DMBT1: variants seen among roughly 807,000 people sequenced by gnomAD.
The protein encoded by DMBT1 is deleted in malignant brain tumors 1, also known as scavenger receptor cysteine-rich domain-containing protein DMBT1.
Under a neutral mutation model 252.9 loss-of-function variants are expected in DMBT1, and 198 were observed. That is an observed-to-expected ratio of 0.78 (90% CI 0.70 to 0.88). The LOEUF is 0.88. DMBT1 is among the 40% of genes least tolerant of loss of function. DMBT1 has a pLI of 0.00. For missense variants in DMBT1, 2,432 were observed against 2,404.7 expected (o/e 1.01, Z -0.24); for synonymous variants, 990 against 942.7 (o/e 1.05, Z -0.92).
In DMBT1 at chr10:122,586,069, C is replaced by T. The variant is rs2097786786; in HGVS notation, c.1469C>T (p.Ser490Phe). 6.3e-7 allele frequency: 1 copy of T among 1,588,552 alleles called. No individual in the cohort carries two copies. Among genetic ancestry groups the T allele is most frequent in the African/African-American group, 1.3e-5 (1 of 74,556 alleles). Reference protein sequence around the residue: ...TLPASTVGSESSLALRLVNGG... With the variant: ...TLPASTVGSEFSLALRLVNGG... Reference sequence around the variant, plus strand: ...TTGTTTTCCCCTGTAGGATCTGAATCCAGTTTGGCCCTGAGGCTGGTGAAT... The same window carrying T: ...TTGTTTTCCCCTGTAGGATCTGAATTCAGTTTGGCCCTGAGGCTGGTGAAT... Residue 490 changes from serine to phenylalanine, a missense_variant, in exon 16 of 56, where the codon TCC becomes TTC. Transcript: ENST00000338354.
At chr10:122,598,723 T>C (rs1591396035) in intron 25 of DMBT1, 51 bp from the exon 26 acceptor site, 13 of 1,611,768 alleles carry the variant, frequency 8.1e-6, no homozygotes, top group Non-Finnish European at 8.5e-6. Context: ...ATTCCTTAGA[T>C]TCCTGACCTC....
chr10:122,618,253 C>G lies in DMBT1; in HGVS notation c.5128C>G (p.His1710Asp). The stretch of plus-strand genomic sequence containing the variant: ...CCTGGATGATGTGCGCTGCTCAGGA[C>G]ACGAGTCTTACCTGTGGAGCTGCCC... ...IVLDDVRCSG[H>D]ESYLWSCPHN... Residue 1710 changes from histidine to aspartate, a missense_variant, in exon 41 of 56, where the codon CAC (histidine) becomes GAC (aspartate). His to Asp is a moderately conservative substitution (Grantham distance 81). This residue lies in a region of DMBT1 where 1,162 missense variants were observed against 1,169.0 expected (regional missense o/e 0.99). Transcript: ENST00000338354. 1 of 1,613,786 alleles carries G rather than the reference C, an allele frequency of 6.2e-7. No individual in the cohort carries two copies. The highest frequency in any genetic ancestry group is 1.7e-4 in the Middle Eastern group (1 of 6,056).
At chr10:122,580,165 CT>C (rs202162594) in intron 10 of DMBT1, among the ~76,000 whole-genome samples, 3,510 of 152,304 alleles carry the variant, frequency 0.023, 53 homozygotes, top group South Asian at 0.036. Context: ...AAAGTGCCGG[CT>C]CCCCAGGGCT....
At chr10:122,597,742 G>A (rs564903254) in intron 24 of DMBT1, among the ~76,000 whole-genome samples, 1 of 152,316 alleles carries the variant, frequency 6.6e-6, no homozygotes, top group Non-Finnish European at 1.5e-5. Context: ...TTGTGACTGA[G>A]AAGAGGACAT....
At chr10:122,579,934 G>A in intron 10 of DMBT1, 33 bp downstream of exon 10, 1 of 1,613,512 alleles carries the variant, frequency 6.2e-7, no homozygotes. Flanking sequence ...TCACTCTCTT[G>A]GGGTGGAGTT....
At chr10:122,574,807 T>C (rs931087906) in intron 6 of DMBT1, among the ~76,000 whole-genome samples, 34 of 152,110 alleles carry the variant, frequency 2.2e-4, no homozygotes, top group African/African-American at 8.2e-4. Flanking sequence ...GGGGCAGAGG[T>C]ATTTGGCTGA....
chr10:122,622,355 TGG>T (rs2098078625), intron 44 of DMBT1, among the ~76,000 whole-genome samples: 4 of 152,204 alleles, frequency 2.6e-5, no homozygotes, highest in Admixed American at 6.5e-5. Context: ...TGTTTGCACA[TGG>T]CAGGAACTCA....
At position 122,591,603 on chromosome 10, in the gene DMBT1, G is replaced by C; in HGVS notation, c.2176+86G>C. The C allele has an allele frequency of 2.9e-6, 4 of 1,401,880 alleles. 1 individual carries two copies. The highest frequency in any genetic ancestry group is 4.0e-6 in the Non-Finnish European group (4 of 1,010,396). 86.8% of individuals were successfully genotyped at this position (1,401,880 alleles called of 1,614,324 possible). On this transcript the variant is annotated intron_variant, in intron 19 of 55. Coordinates refer to ENST00000338354, the MANE Select transcript of DMBT1 (RefSeq NM_001377530.1). ...CTGAAAATGATAGGATGAGGGTCAAGGTGGGCCCCTGTCTTTTTCACATCC... is the reference window on the plus strand; with the variant it reads ...CTGAAAATGATAGGATGAGGGTCAACGTGGGCCCCTGTCTTTTTCACATCC...
At position 122,589,017 on chromosome 10, in the gene DMBT1, C is replaced by T. The variant is rs2097822001; in HGVS notation, c.1857C>T (p.Tyr619=). 6.3e-7 allele frequency: 1 copy of T among 1,588,678 alleles called. No homozygotes were observed. The highest frequency in any genetic ancestry group is 8.6e-7 in the Non-Finnish European group (1 of 1,165,880). ...DRCQGRVEVL[Y]RGSWGTVCDD... Reference sequence around the variant, plus strand: ...GTCAGGGCCGAGTGGAGGTCCTATACCGAGGCTCTTGGGGCACCGTGTGTG... The same window carrying T: ...GTCAGGGCCGAGTGGAGGTCCTATATCGAGGCTCTTGGGGCACCGTGTGTG... The change falls in exon 17 of 56, where the codon TAC becomes TAT. Residue 619 remains tyrosine, a synonymous_variant. Transcript: ENST00000338354.
chr10:122,642,166 A>G, intron 55 of DMBT1, among the ~76,000 whole-genome samples: 1 of 136,932 alleles, frequency 7.3e-6, no homozygotes, highest in Non-Finnish European at 1.5e-5. Context: ...CCACTAAGGG[A>G]GCTACTGTGA....
intron 8 of DMBT1, 59 bp from the exon 9 acceptor site, chr10:122,578,659 T>A (rs1348043423): frequency 1.3e-6 from 2 of 1,483,258 alleles, no homozygotes; most frequent in Non-Finnish European, 1.9e-6. Flanking sequence ...GAACCGCTTG[T>A]TTTTTACCTT....
Position 122,584,951 on chromosome 10 carries a change from C to T in DMBT1, c.1421-320C>T, listed in dbSNP as rs1370718397. On this transcript the variant is annotated intron_variant, in intron 14 of 55. Transcript: ENST00000338354. ...CCTTGGTTTCCCTAACGTTTTAGCT[C>T]GAGCTAGTAGAGTGTCAGCAATGGT... Among the ~76,000 whole-genome samples the T allele has an allele frequency of 4.7e-5, 7 of 149,058 alleles. 1 individual carries two copies. The highest frequency in any genetic ancestry group is 7.3e-5 in the African/African-American group (3 of 41,174).
In DMBT1 at chr10:122,643,316, G is replaced by A. The variant is rs557026873; in HGVS notation, c.7547G>A (p.Gly2516Asp). 1.3e-4 allele frequency: 203 copies of A among 1,613,910 alleles called. 1 individual carries two copies. In the East Asian group the frequency reaches 4.4e-3, roughly 35 times the overall value. Reference sequence around the variant, plus strand: ...GTGTTGAGGTCGAAGAGGGATGTGGGCTCCTACCAGGAAAAGGTGGACGTC... The same window carrying A: ...GTGTTGAGGTCGAAGAGGGATGTGGACTCCTACCAGGAAAAGGTGGACGTC... ...GCVLRSKRDV[G>D]SYQEKVDVVL... The change falls in exon 56 of 56, where the codon GGC becomes GAC. Residue 2516 changes from glycine (G) to aspartate (D), a missense_variant. Gly to Asp is a moderately conservative substitution (Grantham distance 94). This residue lies in a region of DMBT1 where 1,162 missense variants were observed against 1,169.0 expected (regional missense o/e 0.99). Transcript: ENST00000338354.
intron 2 of DMBT1, among the ~76,000 whole-genome samples, chr10:122,569,739 G>A (rs2097643671): frequency 6.6e-6 from 1 of 152,288 alleles, no homozygotes; most frequent in East Asian, 1.9e-4. Context: ...TTCTGAAAAG[G>A]TTGGTATTCT....
rs1193488058 is a variant in DMBT1, at chr10:122,617,886, G to C, written c.4892-131G>C. On this transcript the variant is annotated intron_variant, in intron 40 of 55. Transcript: ENST00000338354. ...CTATGATAAAGCTGAACCTCCGGTA[G>C]CAGTTGTATGCAATTGTGACTGCTT... 2.0e-6 allele frequency: 3 copies of C among 1,464,254 alleles called. No homozygotes were observed. In the African/African-American group the frequency reaches 4.3e-5, roughly 21 times the overall value. The allele number at this position is 1,464,254 out of a possible 1,614,324, so 90.7% of individuals were successfully genotyped here. A position where few individuals can be genotyped will look rare whatever the true frequency, so the allele number is the denominator to read the frequency against.
Position 122,625,241 on chromosome 10 carries a change from C to G in DMBT1, c.5609-36C>G, listed in dbSNP as rs531696209. On this transcript the variant is annotated intron_variant, in intron 44 of 55. Transcript: ENST00000338354. ...TTTCTCTCGCTCATCATCCTGGGCA[C>G]TGGGACTGACTCATGTTTTCTTCTT... is the stretch of plus-strand genomic sequence containing the variant. 1.6e-5 allele frequency: 25 copies of G among 1,605,004 alleles called. 1 individual carries two copies. The South Asian group carries it at 2.4e-4, about 15-fold the overall frequency.
chr10:122,635,879 A>G, intron 52 of DMBT1, 112 bp from the exon 53 acceptor site: 1 of 1,166,058 alleles, frequency 8.6e-7, no homozygotes, highest in South Asian at 1.4e-5. Context: ...ACTTTCATCG[A>G]TGAACTTTGT....
At chr10:122,565,705 C>T (rs1324031580) in intron 1 of DMBT1, among the ~76,000 whole-genome samples, 1 of 152,194 alleles carries the variant, frequency 6.6e-6, no homozygotes, top group Non-Finnish European at 1.5e-5. Context: ...CATCCTGTCA[C>T]CATAAGCTGT....
intron 2 of DMBT1, among the ~76,000 whole-genome samples, chr10:122,569,872 C>T (rs1311669408): frequency 6.6e-6 from 1 of 152,106 alleles, no homozygotes; most frequent in Non-Finnish European, 1.5e-5. Context: ...GACATTGGAT[C>T]TTGTGACTAG....
Sources: allele counts gnomAD v4.1 joint callset (sites outside exome capture counted in the v4.1 genomes callset), GRCh38; gene constraint gnomAD v4.1.1; regional missense constraint gnomAD v4.1.1; transcripts MANE v1.5; gene names NCBI Gene and HGNC (gene_info 2026-07-23, HGNC 2026-07-21).